TCF25: variants seen among roughly 807,000 people sequenced by gnomAD.
TCF25 encodes ribosome quality control complex subunit TCF25.
TCF25 carries 41 observed loss-of-function variants against 83.1 expected under a neutral mutation model. The ratio of observed to expected loss-of-function variants is 0.49; its 90% CI spans 0.38 to 0.64. The LOEUF is 0.64. Among genes scored for constraint, TCF25 ranks in the 30% least tolerant of loss-of-function variants. The pLI is 0.00. For synonymous variants in TCF25, 458 were observed against 365.0 expected (o/e 1.25, Z -2.90); for missense variants, 979 against 914.5 (o/e 1.07, Z -0.91).
At chr16:89,904,735 C>A (rs1391323183) in intron 13 of TCF25, 2 of 715,008 alleles carry the variant, frequency 2.8e-6, no homozygotes, top group South Asian at 1.5e-5. Context: ...TCCTAAAGAA[C>A]ATAACCTGCC....
intron 12 of TCF25, among the ~76,000 whole-genome samples, chr16:89,903,782 G>C (rs1019516729): frequency 1.3e-5 from 2 of 152,178 alleles, no homozygotes; most frequent in East Asian, 1.9e-4. Flanking sequence ...ACTCCAGCCT[G>C]AGCAACAGAG....
chr16:89,895,930 A>T lies in TCF25; in HGVS notation c.929-60A>T, dbSNP rs2043815567. On this transcript the variant is annotated intron_variant, in intron 8 of 17. Coordinates refer to ENST00000263346, the MANE Select transcript of TCF25 (RefSeq NM_014972.3). ...TTTCCTTGTTGTCCATTATCAGAGG[A>T]GGGGCCGTGGTTGCTGTGTGTGGCC... is the stretch of plus-strand genomic sequence containing the variant. 4 of 1,453,772 alleles carry T rather than the reference A, an allele frequency of 2.8e-6. No individual in the cohort carries two copies. In the East Asian group the frequency reaches 9.4e-5, roughly 34 times the overall value. 90.1% of individuals were successfully genotyped at this position (1,453,772 alleles called of 1,614,324 possible).
intron 1 of TCF25, among the ~76,000 whole-genome samples, chr16:89,876,164 C>T (rs2042174659): frequency 6.6e-6 from 1 of 152,086 alleles, no homozygotes; most frequent in African/African-American, 2.4e-5. Flanking sequence ...CTAACAGCCT[C>T]CATGGATGAA....
intron 1 of TCF25, among the ~76,000 whole-genome samples, chr16:89,881,666 A>G (rs1324382098): frequency 6.6e-6 from 1 of 152,030 alleles, no homozygotes; most frequent in Non-Finnish European, 1.5e-5. Flanking sequence ...GCTGGTTTCA[A>G]GCTCCTGGGC....
chr16:89,902,777 C>T (rs1439491148), intron 12 of TCF25, among the ~76,000 whole-genome samples: 2 of 151,816 alleles, frequency 1.3e-5, no homozygotes, highest in Non-Finnish European at 2.9e-5. Flanking sequence ...GGGCCTCCTC[C>T]GAGGGGCGGT....
Position 89,911,255 on chromosome 16 carries a change from C to A in TCF25, c.*17C>A. ...TGGGACTGAGCGTCCGCAGAGGTGA[C>A]CGAAAAGCCGTATGATGATGTTCCC... On this transcript the variant is annotated 3_prime_UTR_variant, in exon 18 of 18. Transcript: ENST00000263346. 1 of 1,611,086 alleles carries A rather than the reference C, an allele frequency of 6.2e-7. No individual in the cohort carries two copies. Among genetic ancestry groups the A allele is most frequent in the Non-Finnish European group, 8.5e-7 (1 of 1,179,000 alleles).
At chr16:89,897,423 C>G (rs2043948964) in intron 9 of TCF25, among the ~76,000 whole-genome samples, 1 of 152,262 alleles carries the variant, frequency 6.6e-6, no homozygotes, top group Non-Finnish European at 1.5e-5. Flanking sequence ...CCCTGTTTCT[C>G]TGGCCGCCCT....
chr16:89,882,954 G>T (rs1370582477), intron 1 of TCF25, among the ~76,000 whole-genome samples: 1 of 152,236 alleles, frequency 6.6e-6, no homozygotes, highest in Non-Finnish European at 1.5e-5. Context: ...GCCTGCTGCT[G>T]GAGAGGAGCT....
At chr16:89,902,719 C>T (rs966078619) in intron 12 of TCF25, among the ~76,000 whole-genome samples, 3 of 150,392 alleles carry the variant, frequency 2.0e-5, no homozygotes, top group Admixed American at 2.0e-4. Flanking sequence ...AAAGACGGGC[C>T]TCCTCCGAGG....
At chr16:89,893,662 G>T in intron 6 of TCF25, 66 bp from the exon 7 acceptor site, 1 of 1,609,880 alleles carries the variant, frequency 6.2e-7, no homozygotes, top group Non-Finnish European at 8.5e-7. Context: ...GAAGGTGAGG[G>T]CTGTGCTCGG....
intron 1 of TCF25, among the ~76,000 whole-genome samples, chr16:89,881,879 C>G (rs113199657): frequency 2.0e-5 from 3 of 152,124 alleles, no homozygotes; most frequent in African/African-American, 7.2e-5. Flanking sequence ...CTCGGCCTCC[C>G]GAGTAGCTGG....
intron 5 of TCF25, chr16:89,890,645 G>A (rs983767669): frequency 6.6e-6 from 1 of 152,080 alleles, no homozygotes; most frequent in African/African-American, 2.4e-5. Flanking sequence ...TTTGTCATCT[G>A]CATTTCTCTG....
intron 1 of TCF25, among the ~76,000 whole-genome samples, chr16:89,875,578 A>C (rs1032332649): frequency 8.0e-6 from 1 of 124,322 alleles, no homozygotes. Flanking sequence ...GCTGGAGTGC[A>C]GTGGCATGAT....
At chr16:89,889,391 G>A in intron 5 of TCF25, 1 of 260,196 alleles carries the variant, frequency 3.8e-6, no homozygotes, top group South Asian at 3.8e-5. Flanking sequence ...TGCCCAGGGT[G>A]ATGTCAAACT....
rs1266374218 is a variant in TCF25, at chr16:89,878,672, G to T, written c.193-4679G>T. The T allele has an allele frequency of 8.4e-6, 9 of 1,066,716 alleles. No individual in the cohort carries two copies. In the South Asian group the frequency reaches 2.0e-4, roughly 24 times the overall value. The allele number at this position is 1,066,716 out of a possible 1,614,324, so 66.1% of individuals were successfully genotyped here. On this transcript the variant is annotated intron_variant, in intron 1 of 17. Transcript: ENST00000263346. ...GTTTTGTTTTTTGAGACGGAGTCTTGCGCTGTCGCCCAGGCTGGAGTGCAG... is the reference window on the plus strand; with the variant it reads ...GTTTTGTTTTTTGAGACGGAGTCTTTCGCTGTCGCCCAGGCTGGAGTGCAG...
At chr16:89,901,605 C>T (rs1216357366) in intron 12 of TCF25, among the ~76,000 whole-genome samples, 1 of 103,180 alleles carries the variant, frequency 9.7e-6, no homozygotes, top group African/African-American at 3.6e-5. Flanking sequence ...ATTAGCCGGG[C>T]GTGTTGGCGG....
intron 9 of TCF25, among the ~76,000 whole-genome samples, chr16:89,896,679 G>C (rs1472429631): frequency 6.6e-6 from 1 of 150,472 alleles, no homozygotes; most frequent in Non-Finnish European, 1.5e-5. Flanking sequence ...TCAGGCTCCC[G>C]AGTAGCTGGG....
rs116419425 is a variant in TCF25, at chr16:89,877,311, C to A, written c.192+3452C>A. Among the ~76,000 whole-genome samples the A allele has an allele frequency of 1.5e-3, 233 of 152,168 alleles. 2 individuals are homozygous for A. The highest frequency in any genetic ancestry group is 5.3e-3 in the African/African-American group (218 of 41,520). ...CTTGAACTCCTGGGCTCAAACCATCCTCCCACCTCAGCCTCCCAAGTAGGT... is the reference window on the plus strand; with the variant it reads ...CTTGAACTCCTGGGCTCAAACCATCATCCCACCTCAGCCTCCCAAGTAGGT... On this transcript the variant is annotated intron_variant, in intron 1 of 17. Transcript: ENST00000263346.
chr16:89,911,274 T>C lies in TCF25; in HGVS notation c.*36T>C. 1 of 1,603,892 alleles carries C rather than the reference T, an allele frequency of 6.2e-7. No homozygotes were observed. Among genetic ancestry groups the C allele is most frequent in the South Asian group, 1.1e-5 (1 of 90,922 alleles). On this transcript the variant is annotated 3_prime_UTR_variant, in exon 18 of 18. Transcript: ENST00000263346. ...AGGTGACCGAAAAGCCGTATGATGA[T>C]GTTCCCGATTTCTCTGTTGGTCGGA...
Sources: gnomAD v4.1 joint callset for allele counts (sites outside exome capture counted in the v4.1 genomes callset) on GRCh38, gnomAD v4.1.1 for gene constraint, MANE v1.5 for transcripts, NCBI Gene and HGNC (gene_info 2026-07-23, HGNC 2026-07-21) for gene names.